Variants in RPS6KA5 observed in about 807,000 individuals in gnomAD.
The protein encoded by RPS6KA5 is ribosomal protein S6 kinase alpha-5.
In RPS6KA5, 27 loss-of-function variants were observed where a neutral mutation model predicts 85.5. That is an observed-to-expected ratio of 0.32 (90% confidence interval 0.23 to 0.44). RPS6KA5 has a LOEUF of 0.44. Ranked by LOEUF, RPS6KA5 falls within the 20% of genes least tolerant of loss-of-function variation. The pLI, the probability that RPS6KA5 is intolerant of heterozygous loss-of-function variation, is 1.00. For missense variants in RPS6KA5, 811 were observed against 980.9 expected (o/e 0.83, Z 2.31); for synonymous variants, 334 against 348.2 (o/e 0.96, Z 0.46).
intron 7 of RPS6KA5, among the ~76,000 whole-genome samples, chr14:90,909,788 AATTATT>A (rs925926716): frequency 3.9e-4 from 60 of 152,192 alleles, no homozygotes; most frequent in African/African-American, 1.4e-3. Context: ...TAAAAACTTG[AATTATT>A]ATTATTATTA....
intron 1 of RPS6KA5, among the ~76,000 whole-genome samples, chr14:91,057,189 T>A (rs1185030229): frequency 6.6e-6 from 1 of 152,106 alleles, no homozygotes; most frequent in East Asian, 1.9e-4. Context: ...CCCCTACTAC[T>A]AGAGGGCGGG....
chr14:91,009,005 T>C (rs2041146493), intron 1 of RPS6KA5, among the ~76,000 whole-genome samples: 1 of 152,304 alleles, frequency 6.6e-6, no homozygotes, highest in Non-Finnish European at 1.5e-5. Flanking sequence ...GAAACATTCA[T>C]TGAATACCTG....
rs2032414068 is a variant in RPS6KA5, at chr14:90,859,025, G to C, written c.*13049C>G. The C allele has an allele frequency of 6.6e-6, 1 of 152,240 alleles. No individual in the cohort carries two copies. The highest frequency in any genetic ancestry group is 6.5e-5 in the Admixed American group (1 of 15,286). 9.4% of individuals were successfully genotyped at this position (152,240 alleles called of 1,614,324 possible). On this transcript the variant is annotated 3_prime_UTR_variant, in exon 17 of 17. Coordinates refer to ENST00000614987, the MANE Select transcript of RPS6KA5 (RefSeq NM_004755.4). Reference sequence around the variant, plus strand: ...TCCAGCAAAAAGCAGCAGATGAGAGGCTAACGAGCTGAGCAGCTCTTAGTA... The same window carrying C: ...TCCAGCAAAAAGCAGCAGATGAGAGCCTAACGAGCTGAGCAGCTCTTAGTA...
intron 1 of RPS6KA5, among the ~76,000 whole-genome samples, chr14:91,041,902 A>G (rs2042617849): frequency 6.6e-6 from 1 of 152,266 alleles, no homozygotes; most frequent in Admixed American, 6.5e-5. Flanking sequence ...AGCTGAGTCA[A>G]TAAGAAAACA....
intron 1 of RPS6KA5, among the ~76,000 whole-genome samples, chr14:91,043,475 AT>A (rs1382448881): frequency 6.6e-6 from 1 of 152,160 alleles, no homozygotes; most frequent in Non-Finnish European, 1.5e-5. Context: ...TTCACAACCG[AT>A]TCTTCTACTT....
chr14:91,056,184 C>A (rs2043310137), intron 1 of RPS6KA5, among the ~76,000 whole-genome samples: 1 of 152,196 alleles, frequency 6.6e-6, no homozygotes, highest in African/African-American at 2.4e-5. Context: ...CTTCCTCGAC[C>A]TTCTCCTCAA....
At chr14:91,020,054 T>C (rs1199065252) in intron 1 of RPS6KA5, among the ~76,000 whole-genome samples, 1 of 152,194 alleles carries the variant, frequency 6.6e-6, no homozygotes, top group East Asian at 1.9e-4. Flanking sequence ...GGCAAGTATT[T>C]GTCTAATTAA....
intron 14 of RPS6KA5, among the ~76,000 whole-genome samples, chr14:90,885,185 C>T (rs549360220): frequency 1.7e-4 from 26 of 149,258 alleles, no homozygotes; most frequent in Non-Finnish European, 3.0e-4. Context: ...CCTGGGAGGT[C>T]GAGGCTGCAG....
chr14:90,923,292 TAGTG>T (rs1243244473), intron 5 of RPS6KA5, 96 bp from the exon 6 acceptor site: 3 of 935,904 alleles, frequency 3.2e-6, no homozygotes, highest in Middle Eastern at 2.1e-4. Flanking sequence ...AGATACACTA[TAGTG>T]GCAAAGTAGT....
At chr14:90,943,477 C>T (rs1275343146) in intron 4 of RPS6KA5, among the ~76,000 whole-genome samples, 1 of 152,094 alleles carries the variant, frequency 6.6e-6, no homozygotes, top group Admixed American at 6.6e-5. Flanking sequence ...CTCTATTCTT[C>T]CTAGTTCACT....
In RPS6KA5 at chr14:90,863,833, A is replaced by G. The variant is rs1388092787; in HGVS notation, c.*8241T>C. 1.3e-5 allele frequency: 2 copies of G among 152,242 alleles called. No homozygotes were observed. Among genetic ancestry groups the G allele is most frequent in the South Asian group, 2.1e-4 (1 of 4,832 alleles). The allele number at this position is 152,242 out of a possible 1,614,324, so 9.4% of individuals were successfully genotyped here. ...CTCCTGAAATTGATTTATACATTCAATGCAATACCAATTAAACCCTAACAT... is the reference window on the plus strand; with the variant it reads ...CTCCTGAAATTGATTTATACATTCAGTGCAATACCAATTAAACCCTAACAT... On this transcript the variant is annotated 3_prime_UTR_variant, in exon 17 of 17. Transcript: ENST00000614987.
At chr14:91,055,143 T>C (rs991751337) in intron 1 of RPS6KA5, among the ~76,000 whole-genome samples, 1 of 152,170 alleles carries the variant, frequency 6.6e-6, no homozygotes, top group Non-Finnish European at 1.5e-5. Flanking sequence ...GTGAAGGAAC[T>C]GGAGGCCTCA....
intron 2 of RPS6KA5, among the ~76,000 whole-genome samples, chr14:90,997,840 G>A (rs746246830): frequency 4.0e-5 from 6 of 151,688 alleles, no homozygotes; most frequent in Non-Finnish European, 5.9e-5. Context: ...GTGAAACCCC[G>A]TCTCTATTAA....
chr14:90,885,766 A>AAAAAAAAAAAAAAAAG (rs2034175280), intron 14 of RPS6KA5, among the ~76,000 whole-genome samples: 1 of 144,898 alleles, frequency 6.9e-6, no homozygotes, highest in African/African-American at 2.5e-5. Context: ...AAAAAAAAAA[A>AAAAAAAAAAAAAAAAG]AAAAAAAGAA....
chr14:90,985,711 C>T (rs2040030088), intron 2 of RPS6KA5, among the ~76,000 whole-genome samples: 1 of 152,196 alleles, frequency 6.6e-6, no homozygotes, highest in Admixed American at 6.5e-5. Flanking sequence ...TAGTCTTATA[C>T]TCCCCTTTCC....
At chr14:90,993,168 G>T (rs1208556777) in intron 2 of RPS6KA5, among the ~76,000 whole-genome samples, 2 of 152,260 alleles carry the variant, frequency 1.3e-5, no homozygotes, top group African/African-American at 4.8e-5. Flanking sequence ...TTGGCTGGGC[G>T]TGGTGGCTCA....
At chr14:90,980,052 T>A (rs530505045) in intron 2 of RPS6KA5, among the ~76,000 whole-genome samples, 1 of 152,300 alleles carries the variant, frequency 6.6e-6, no homozygotes, top group East Asian at 1.9e-4. Context: ...TATTAGCTCA[T>A]CGGAAATCCA....
chr14:91,038,070 A>C (rs1303740172), intron 1 of RPS6KA5, among the ~76,000 whole-genome samples: 1 of 152,192 alleles, frequency 6.6e-6, no homozygotes, highest in Non-Finnish European at 1.5e-5. Context: ...ATCCATCTCT[A>C]TGTGATCTCT....
At chr14:90,874,600 A>G (rs2033329439) in intron 15 of RPS6KA5, among the ~76,000 whole-genome samples, 1 of 152,214 alleles carries the variant, frequency 6.6e-6, no homozygotes, top group Non-Finnish European at 1.5e-5. Flanking sequence ...TTGGCAGAAA[A>G]GAGGCATAAT....
Sources: allele counts gnomAD v4.1 joint callset (sites outside exome capture counted in the v4.1 genomes callset), GRCh38; gene constraint gnomAD v4.1.1; transcripts MANE v1.5; gene names NCBI Gene and HGNC (gene_info 2026-07-23, HGNC 2026-07-21).